Variants in SMYD2 observed in about 807,000 individuals in gnomAD.
SMYD2 encodes the protein N-lysine methyltransferase SMYD2.
Under a neutral mutation model 59.1 loss-of-function variants are expected in SMYD2, and 53 were observed. The ratio of observed to expected loss-of-function variants is 0.90; its 90% CI spans 0.72 to 1.13. The LOEUF is 1.13. Among genes scored for constraint, SMYD2 ranks in the 50% most tolerant of loss-of-function variants. The pLI is 0.00. For missense variants in SMYD2, 494 were observed against 544.7 expected (o/e 0.91, Z 0.93); for synonymous variants, 208 against 198.8 (o/e 1.05, Z -0.39).
intron 1 of SMYD2, among the ~76,000 whole-genome samples, chr1:214,285,381 G>C (rs925410412): frequency 2.6e-5 from 4 of 152,218 alleles, no homozygotes; most frequent in African/African-American, 4.8e-5. Context: ...TGCATGAGAA[G>C]GGGACCTTGT....
At chr1:214,315,141 T>C (rs1302468656) in intron 3 of SMYD2, among the ~76,000 whole-genome samples, 2 of 152,182 alleles carry the variant, frequency 1.3e-5, no homozygotes, top group African/African-American at 2.4e-5. Context: ...CAGGTTTACA[T>C]GGAAATACGT....
chr1:214,309,911 G>A (rs986020021), intron 2 of SMYD2, among the ~76,000 whole-genome samples: 1 of 152,210 alleles, frequency 6.6e-6, no homozygotes, highest in African/African-American at 2.4e-5. Context: ...GTGTCCACCT[G>A]ATTGCTTTTG....
At chr1:214,322,574 G>T (rs758404680) in intron 5 of SMYD2, among the ~76,000 whole-genome samples, 21 of 152,050 alleles carry the variant, frequency 1.4e-4, no homozygotes, top group Non-Finnish European at 2.8e-4. Context: ...TTATTGCTTT[G>T]TATACCAAGA....
intron 1 of SMYD2, among the ~76,000 whole-genome samples, chr1:214,299,308 C>G (rs113834896): frequency 0.031 from 4,647 of 152,146 alleles, 251 homozygotes; most frequent in African/African-American, 0.11. Context: ...TACCATTCGA[C>G]CCAGCAATCC....
At chr1:214,288,648 A>G (rs1194337398) in intron 1 of SMYD2, among the ~76,000 whole-genome samples, 2 of 152,240 alleles carry the variant, frequency 1.3e-5, no homozygotes, top group African/African-American at 4.8e-5. Context: ...GTTTTAAAAA[A>G]TGTTTGATTC....
intron 6 of SMYD2, chr1:214,327,396 A>G (rs1246700493): frequency 4.2e-6 from 2 of 476,434 alleles, no homozygotes; most frequent in Non-Finnish European, 7.7e-6. Context: ...CTTAGATAGT[A>G]CTTGAATTGT....
intron 5 of SMYD2, among the ~76,000 whole-genome samples, chr1:214,321,311 A>C (rs1657168748): frequency 1.3e-5 from 2 of 152,202 alleles, no homozygotes; most frequent in Non-Finnish European, 2.9e-5. Context: ...TAATTCCTTT[A>C]TTGACTTTAT....
At chr1:214,336,600 C>A in intron 11 of SMYD2, 104 bp from the exon 12 acceptor site, 1 of 913,288 alleles carries the variant, frequency 1.1e-6, no homozygotes, top group East Asian at 2.6e-5. Flanking sequence ...GGCCAGTTTG[C>A]ATCCTGTGCC....
chr1:214,332,562 C>G (rs1657373069), intron 10 of SMYD2: 1 of 168,614 alleles, frequency 5.9e-6, no homozygotes, highest in Non-Finnish European at 1.3e-5. Context: ...TGGTTTTCAT[C>G]ATTACTCACA....
chr1:214,334,937 G>A (rs1431709207), intron 11 of SMYD2, among the ~76,000 whole-genome samples: 3 of 152,196 alleles, frequency 2.0e-5, no homozygotes, highest in African/African-American at 7.2e-5. Flanking sequence ...AAACTGGTGG[G>A]GAGCCAGAAC....
In SMYD2 at chr1:214,327,395, T is replaced by C. The variant is rs575891827; in HGVS notation, c.603-227T>C. ...TGTTTTTTGGTTTTGGCTTAGATAG[T>C]ACTTGAATTGTGGATTTCAGTTTTT... On this transcript the variant is annotated intron_variant, in intron 6 of 11. Coordinates refer to ENST00000366957, the MANE Select transcript of SMYD2 (RefSeq NM_020197.3). 11 of 475,542 alleles carry C rather than the reference T, an allele frequency of 2.3e-5. No individual in the cohort carries two copies. The Admixed American group carries it at 3.4e-4, about 15-fold the overall frequency. The allele number at this position is 475,542 out of a possible 1,614,324, so 29.5% of individuals were successfully genotyped here.
chr1:214,311,619 T>G (rs1291803307), intron 2 of SMYD2, among the ~76,000 whole-genome samples: 1 of 152,216 alleles, frequency 6.6e-6, no homozygotes, highest in Non-Finnish European at 1.5e-5. Context: ...TTGTGTTTGA[T>G]TCCCTTCCTT....
intron 1 of SMYD2, among the ~76,000 whole-genome samples, chr1:214,296,597 C>G (rs561794759): frequency 6.6e-6 from 1 of 152,118 alleles, no homozygotes; most frequent in Non-Finnish European, 1.5e-5. Context: ...ATTTATTGAA[C>G]GTTTACAGTG....
rs56254326 is a variant in SMYD2 at position 214,304,558 on chromosome 1, C to CAAAAAAAAAA, written c.174-614_174-605dup. Among the ~76,000 whole-genome samples the CAAAAAAAAAA allele has an allele frequency of 7.3e-4, 35 of 48,022 alleles. 7 individuals carry two copies. Among genetic ancestry groups the CAAAAAAAAAA allele is most frequent in the African/African-American group, 2.3e-3 (26 of 11,250 alleles). The allele number at this position is 48,022 out of a possible 152,430, so 31.5% of individuals were successfully genotyped here. ...TGGGTGACAGAGTGAGACCCTATCT[C>CAAAAAAAAAA]AAAAAAAAAAAAAAAAAAAAAAAAG... On this transcript the variant is annotated intron_variant, in intron 1 of 11. Coordinates refer to ENST00000366957, the MANE Select transcript of SMYD2 (RefSeq NM_020197.3).
At chr1:214,329,008 G>A (rs1172640210) in intron 7 of SMYD2, among the ~76,000 whole-genome samples, 1 of 152,190 alleles carries the variant, frequency 6.6e-6, no homozygotes, top group African/African-American at 2.4e-5. Context: ...GGCCTTTGTC[G>A]CCATCTTCTG....
chr1:214,300,813 A>T (rs971940734), intron 1 of SMYD2, among the ~76,000 whole-genome samples: 1 of 152,236 alleles, frequency 6.6e-6, no homozygotes, highest in Non-Finnish European at 1.5e-5. Flanking sequence ...TTTGAAAAAT[A>T]GGAATAATAA....
chr1:214,307,850 G>A (rs1373651260), intron 2 of SMYD2, among the ~76,000 whole-genome samples: 2 of 152,322 alleles, frequency 1.3e-5, no homozygotes, highest in East Asian at 3.9e-4. Context: ...CAACCTGTAT[G>A]TGCCACAATG....
In SMYD2 at chr1:214,281,386, G is replaced by T; in HGVS notation, c.132G>T (p.Thr44=). ...GCCCGGCCTATGCCTACGTGCTCAC[G>T]GTCAACGAGCGGGGCAACCACTGCG... ...FSCPAYAYVL[T]VNERGNHCEY... Residue 44 remains threonine (T), a synonymous_variant, in exon 1 of 12, where the codon ACG becomes ACT. Transcript: ENST00000366957. The T allele has an allele frequency of 1.4e-6, 2 of 1,466,794 alleles. No homozygotes were observed. Among genetic ancestry groups the T allele is most frequent in the Non-Finnish European group, 1.8e-6 (2 of 1,103,714 alleles). The allele number at this position is 1,466,794 out of a possible 1,614,324, so 90.9% of individuals were successfully genotyped here. A position where few individuals can be genotyped will look rare whatever the true frequency, so the allele number is the denominator to read the frequency against.
At chr1:214,298,524 T>C (rs1656768649) in intron 1 of SMYD2, among the ~76,000 whole-genome samples, 1 of 152,158 alleles carries the variant, frequency 6.6e-6, no homozygotes, top group Admixed American at 6.5e-5. Flanking sequence ...CAAAAGCAGT[T>C]GAAACAATAC....
Sources: allele counts gnomAD v4.1 joint callset (sites outside exome capture counted in the v4.1 genomes callset), GRCh38; gene constraint gnomAD v4.1.1; transcripts MANE v1.5; gene names NCBI Gene and HGNC (gene_info 2026-07-23, HGNC 2026-07-21).